PRICKLE2: variants seen among roughly 807,000 people sequenced by gnomAD.
PRICKLE2 encodes the protein prickle-like protein 2.
A neutral mutation model predicts 81.4 loss-of-function variants in PRICKLE2; 21 were observed. That is an observed-to-expected ratio of 0.26 (90% CI 0.18 to 0.37). The LOEUF is 0.37. Among genes scored for constraint, PRICKLE2 ranks in the 10% least tolerant of loss-of-function variants. The pLI is 1.00. For synonymous variants in PRICKLE2, 456 were observed against 421.5 expected, an observed-to-expected ratio of 1.08 and a Z score of -1.00; for missense variants, 940 against 1,109.0, an observed-to-expected ratio of 0.85 and a Z score of 2.16.
At position 64,197,837 on chromosome 3, in the gene PRICKLE2, C is replaced by A. The variant is rs968400172; in HGVS notation, c.144+947G>T. On this transcript the variant is annotated intron_variant, in intron 2 of 7. Coordinates refer to ENST00000638394, the MANE Select transcript of PRICKLE2 (RefSeq NM_198859.4). ...CTGTGTGACAAACTTGCACATGTAC[C>A]CATGAACTGAAAATAAAGTTAAAAA... Among the ~76,000 whole-genome samples, 8 of 152,098 alleles carry A rather than the reference C, an allele frequency of 5.3e-5. No individual in the cohort carries two copies. In the South Asian group the frequency reaches 1.7e-3, roughly 32 times the overall value.
At chr3:64,166,943 C>T (rs1018945493) in intron 2 of PRICKLE2, among the ~76,000 whole-genome samples, 4 of 152,104 alleles carry the variant, frequency 2.6e-5, no homozygotes, top group East Asian at 1.9e-4. Flanking sequence ...AGGGGATTAA[C>T]GGATGGATGG....
intron 7 of PRICKLE2, among the ~76,000 whole-genome samples, chr3:64,121,426 A>T (rs564871600): frequency 6.6e-6 from 1 of 152,290 alleles, no homozygotes; most frequent in Non-Finnish European, 1.5e-5. Flanking sequence ...ATGTTTTGAG[A>T]AATAGTGGTT....
At chr3:64,110,276 T>C (rs2076822197) in intron 7 of PRICKLE2, among the ~76,000 whole-genome samples, 1 of 152,196 alleles carries the variant, frequency 6.6e-6, no homozygotes, top group Admixed American at 6.5e-5. Flanking sequence ...TGTATTTACT[T>C]GGGAAACACT....
rs555989640 is a variant in PRICKLE2, at chr3:64,236,496, C to T, written c.129-37529G>A. On this transcript the variant is annotated intron_variant, in intron 2 of 8. Coordinates refer to the PRICKLE2 transcript ENST00000295902. ...TCTGTGAATTTCATTAGCCAGGTGA[C>T]TGATGAAAAAAAAGAGAATGAGGAA... is the stretch of plus-strand genomic sequence containing the variant. 2.0e-5 allele frequency among the ~76,000 whole-genome samples: 3 copies of T among 152,118 alleles called. No homozygotes were observed. The South Asian group carries it at 6.2e-4, about 32-fold the overall frequency.
At chr3:64,209,038 T>TATCC (rs2078740917) in intron 1 of PRICKLE2, among the ~76,000 whole-genome samples, 1 of 151,644 alleles carries the variant, frequency 6.6e-6, no homozygotes, top group Non-Finnish European at 1.5e-5. Context: ...CATCCATATC[T>TATCC]ATCCATCCAT....
upstream of PRICKLE2, among the ~76,000 whole-genome samples, chr3:64,227,895 G>A (rs959065541): frequency 3.3e-5 from 5 of 152,164 alleles, no homozygotes; most frequent in African/African-American, 7.2e-5. Flanking sequence ...GGGAGAAAGC[G>A]GTAAAGGGAA....
intron 1 of PRICKLE2, among the ~76,000 whole-genome samples, chr3:64,224,006 A>G (rs2078995440): frequency 6.6e-6 from 1 of 152,206 alleles, no homozygotes; most frequent in South Asian, 2.1e-4. Flanking sequence ...GGCACACTGG[A>G]GCCCTCCCCT....
chr3:64,216,915 C>G (rs1360247070), intron 1 of PRICKLE2, among the ~76,000 whole-genome samples: 1 of 152,174 alleles, frequency 6.6e-6, no homozygotes, highest in African/African-American at 2.4e-5. Context: ...CCGTGGCAAG[C>G]TTCTAGTCTT....
At chr3:64,106,487 T>A (rs1575541719) in intron 7 of PRICKLE2, among the ~76,000 whole-genome samples, 1 of 152,196 alleles carries the variant, frequency 6.6e-6, no homozygotes, top group Admixed American at 6.5e-5. Flanking sequence ...TGCATGATTG[T>A]ATGGATTAAT....
At chr3:64,116,382 G>T (rs2076934249) in intron 7 of PRICKLE2, among the ~76,000 whole-genome samples, 1 of 151,402 alleles carries the variant, frequency 6.6e-6, no homozygotes, top group African/African-American at 2.4e-5. Flanking sequence ...ACACAAAAAA[G>T]CCATTCAAAA....
rs753024407 is a variant in PRICKLE2, at chr3:64,094,995, G to A, written c.*4056C>T. On this transcript the variant is annotated 3_prime_UTR_variant, in exon 8 of 8. Transcript: ENST00000638394. Reference sequence around the variant, plus strand: ...TTTTCCACTTTCCTTTGTCATGGACGGATCTTCCTTCTTAGGCTTAAGCAT... The same window carrying A: ...TTTTCCACTTTCCTTTGTCATGGACAGATCTTCCTTCTTAGGCTTAAGCAT... 3.3e-5 allele frequency: 5 copies of A among 152,568 alleles called. No individual in the cohort carries two copies. Among genetic ancestry groups the A allele is most frequent in the African/African-American group, 9.7e-5 (4 of 41,426 alleles). The allele number at this position is 152,568 out of a possible 1,614,324, so 9.5% of individuals were successfully genotyped here.
chr3:64,136,351 G>T (rs750338002), intron 7 of PRICKLE2, among the ~76,000 whole-genome samples: 29 of 151,434 alleles, frequency 1.9e-4, no homozygotes, highest in Admixed American at 9.2e-4. Context: ...GTGAACCTAT[G>T]AGTTCTCTGG....
At chr3:64,199,950 G>A (rs182581214) in intron 1 of PRICKLE2, 1 of 152,304 alleles carries the variant, frequency 6.6e-6, no homozygotes, top group African/African-American at 2.4e-5. Flanking sequence ...ATCCCCAGAT[G>A]TGCCTGAACG....
intron 2 of PRICKLE2, among the ~76,000 whole-genome samples, chr3:64,257,122 A>T (rs574660163): frequency 6.6e-6 from 1 of 152,344 alleles, no homozygotes; most frequent in East Asian, 1.9e-4. Flanking sequence ...GATCCAGGAA[A>T]AGTCTCTCAT....
intron 7 of PRICKLE2, among the ~76,000 whole-genome samples, chr3:64,132,574 G>C (rs902850462): frequency 6.6e-6 from 1 of 152,234 alleles, no homozygotes. Context: ...CTAGCAGAGT[G>C]CCTGGCACAT....
Position 64,095,203 on chromosome 3 carries a change from T to C in PRICKLE2, c.*3848A>G, listed in dbSNP as rs1014574909. 1.3e-5 allele frequency: 2 copies of C among 152,172 alleles called. No individual in the cohort carries two copies. The highest frequency in any genetic ancestry group is 2.9e-5 in the Non-Finnish European group (2 of 68,020). The allele number at this position is 152,172 out of a possible 1,614,324, so 9.4% of individuals were successfully genotyped here. A position where few individuals can be genotyped will look rare whatever the true frequency, so the allele number is the denominator to read the frequency against. Reference sequence around the variant, plus strand: ...AAATGGCCAAGGAGGTAAAGAGATTTTTTTGTCCTTTAGCCTAAGAAGTCA... The same window carrying C: ...AAATGGCCAAGGAGGTAAAGAGATTCTTTTGTCCTTTAGCCTAAGAAGTCA... On this transcript the variant is annotated 3_prime_UTR_variant, in exon 8 of 8. Coordinates refer to ENST00000638394, the MANE Select transcript of PRICKLE2 (RefSeq NM_198859.4).
In PRICKLE2 at chr3:64,225,161, G is replaced by C; in HGVS notation, c.-292C>G. 2 of 985,310 alleles carry C rather than the reference G, an allele frequency of 2.0e-6. No individual in the cohort carries two copies. The highest frequency in any genetic ancestry group is 1.7e-5 in the African/African-American group (1 of 57,302). 61.0% of individuals were successfully genotyped at this position (985,310 alleles called of 1,614,324 possible). ...GCACTGCTGGATCCAGACTCTGCTGGGGAATTCACCAAGCAAGAGAAAAAA... is the reference window on the plus strand; with the variant it reads ...GCACTGCTGGATCCAGACTCTGCTGCGGAATTCACCAAGCAAGAGAAAAAA... On this transcript the variant is annotated 5_prime_UTR_variant, in exon 1 of 8. Coordinates refer to ENST00000638394, the MANE Select transcript of PRICKLE2 (RefSeq NM_198859.4).
intron 2 of PRICKLE2, among the ~76,000 whole-genome samples, chr3:64,258,845 A>AAAAAAAAGAAAGAAAG (rs2079570108): frequency 2.9e-5 from 1 of 34,000 alleles, no homozygotes; most frequent in Non-Finnish European, 5.2e-5. Flanking sequence ...AAAAAAAAAA[A>AAAAAAAAGAAAGAAAG]AAAGAAAGAA....
At chr3:64,202,645 C>CGTGTAT (rs1553652981) in intron 1 of PRICKLE2, among the ~76,000 whole-genome samples, 1 of 149,326 alleles carries the variant, frequency 6.7e-6, no homozygotes, top group African/African-American at 2.5e-5. Context: ...TACTTGTGTG[C>CGTGTAT]GTGTGTGTGT....
Sources: gnomAD v4.1 joint callset for allele counts (sites outside exome capture counted in the v4.1 genomes callset) on GRCh38, gnomAD v4.1.1 for gene constraint, MANE v1.5 for transcripts, NCBI Gene and HGNC (gene_info 2026-07-23, HGNC 2026-07-21) for gene names.